Variants in ERC1 observed in about 807,000 individuals in gnomAD.
The protein encoded by ERC1 is ELKS/RAB6-interacting/CAST family member 1.
ERC1 carries 56 observed loss-of-function variants against 132.0 expected under a neutral mutation model. The ratio of observed to expected loss-of-function variants is 0.42; its 90% confidence interval spans 0.34 to 0.53. ERC1 has a LOEUF of 0.53. Ranked by LOEUF, ERC1 falls within the 20% of genes least tolerant of loss-of-function variation. ERC1 has a pLI of 0.03. For synonymous variants in ERC1, 478 were observed against 476.1 expected (o/e 1.00, Z -0.05); for missense variants, 1,202 against 1,349.9 (o/e 0.89, Z 1.72).
intron 18 of ERC1, among the ~76,000 whole-genome samples, chr12:1,486,323 A>G (rs2154433753): frequency 6.6e-6 from 1 of 152,340 alleles, no homozygotes; most frequent in Non-Finnish European, 1.5e-5. Flanking sequence ...AGCAGTGGTT[A>G]TCTCTAGATG....
chr12:1,409,099 G>A (rs1347358599), intron 17 of ERC1, among the ~76,000 whole-genome samples: 1 of 152,222 alleles, frequency 6.6e-6, no homozygotes, highest in Non-Finnish European at 1.5e-5. Flanking sequence ...GCAGAAGCAG[G>A]AGAAATAGTG....
intron 1 of ERC1, among the ~76,000 whole-genome samples, chr12:1,022,421 AAAAC>A (rs534631766): frequency 3.2e-4 from 48 of 152,334 alleles, no homozygotes; most frequent in African/African-American, 1.0e-3. Context: ...TATTTCATTT[AAAAC>A]AAACAAGAAA....
intron 15 of ERC1, among the ~76,000 whole-genome samples, chr12:1,337,517 TA>T (rs2083419664): frequency 6.6e-6 from 1 of 152,316 alleles, no homozygotes; most frequent in East Asian, 1.9e-4. Context: ...TGCCTTTTAA[TA>T]GGGGTATTTA....
intron 2 of ERC1, among the ~76,000 whole-genome samples, chr12:1,042,969 TTTC>T (rs1970499577): frequency 6.6e-6 from 1 of 152,048 alleles, no homozygotes; most frequent in Non-Finnish European, 1.5e-5. Context: ...GGAGGGTCTA[TTTC>T]TTATTTTTCT....
intron 2 of ERC1, among the ~76,000 whole-genome samples, chr12:1,033,469 C>G (rs999765595): frequency 1.3e-5 from 2 of 150,808 alleles, no homozygotes; most frequent in African/African-American, 2.4e-5. Flanking sequence ...CCGCACCCAG[C>G]CTTTTTTTTT....
chr12:1,067,072 T>C (rs915482091), intron 2 of ERC1, among the ~76,000 whole-genome samples: 1 of 152,090 alleles, frequency 6.6e-6, no homozygotes, highest in African/African-American at 2.4e-5. Flanking sequence ...CCTCCCAAAG[T>C]GTTGGAATTA....
At chr12:999,794 C>T (rs565304978) in intron 1 of ERC1, among the ~76,000 whole-genome samples, 1 of 152,122 alleles carries the variant, frequency 6.6e-6, no homozygotes, top group East Asian at 1.9e-4. Context: ...GGGATTTCTC[C>T]ATGTTGGTCA....
At chr12:992,441 A>G (rs1460802360) in intron 1 of ERC1, among the ~76,000 whole-genome samples, 4 of 152,202 alleles carry the variant, frequency 2.6e-5, no homozygotes, top group African/African-American at 4.8e-5. Context: ...ACTTTTAGAC[A>G]TTTTGTGTTC....
At chr12:1,186,962 C>G (rs1320554902) in intron 11 of ERC1, among the ~76,000 whole-genome samples, 1 of 152,176 alleles carries the variant, frequency 6.6e-6, no homozygotes, top group East Asian at 1.9e-4. Context: ...TCCCAAGTAG[C>G]TGGGATTACA....
At chr12:1,303,361 G>C (rs1398132502) in intron 15 of ERC1, among the ~76,000 whole-genome samples, 2 of 152,190 alleles carry the variant, frequency 1.3e-5, no homozygotes, top group Non-Finnish European at 2.9e-5. Context: ...TACCGGCCGG[G>C]CGCCGTGGCT....
In ERC1 at chr12:1,494,789, A is replaced by C. The variant is rs539474827; in HGVS notation, c.*4559A>C. 2 of 230,370 alleles carry C rather than the reference A, an allele frequency of 8.7e-6. No individual in the cohort carries two copies. The highest frequency in any genetic ancestry group is 1.7e-5 in the Non-Finnish European group (2 of 116,278). The allele number at this position is 230,370 out of a possible 1,614,324, so 14.3% of individuals were successfully genotyped here. Reference sequence around the variant, plus strand: ...GTTGTTGAGATTATTAAAAGATTAAAACGTAGTTGTAGAAATGAAAAATTA... The same window carrying C: ...GTTGTTGAGATTATTAAAAGATTAACACGTAGTTGTAGAAATGAAAAATTA... On this transcript the variant is annotated 3_prime_UTR_variant, in exon 19 of 19. Coordinates refer to ENST00000360905, the MANE Select transcript of ERC1 (RefSeq NM_178040.4).
At chr12:1,134,370 A>G (rs1163104970) in intron 7 of ERC1, among the ~76,000 whole-genome samples, 20 of 149,746 alleles carry the variant, frequency 1.3e-4, no homozygotes, top group Non-Finnish European at 7.4e-5. Flanking sequence ...TTAAAGATAC[A>G]GTGTCTTGCT....
intron 3 of ERC1, among the ~76,000 whole-genome samples, chr12:1,096,553 C>T (rs1944065552): frequency 6.6e-6 from 1 of 152,104 alleles, no homozygotes; most frequent in African/African-American, 2.4e-5. Flanking sequence ...TTGTAGTGTG[C>T]AGAACAGATT....
intron 13 of ERC1, among the ~76,000 whole-genome samples, chr12:1,245,922 C>G (rs1233267778): frequency 6.6e-6 from 1 of 151,956 alleles, no homozygotes; most frequent in Non-Finnish European, 1.5e-5. Context: ...TATTAAAGTT[C>G]CCAAAGTGAT....
intron 8 of ERC1, among the ~76,000 whole-genome samples, chr12:1,153,725 G>A (rs1951047178): frequency 6.6e-6 from 1 of 152,206 alleles, no homozygotes; most frequent in Non-Finnish European, 1.5e-5. Context: ...GGTGTTCGAA[G>A]CCCCTCCCTG....
At chr12:1,458,161 A>G (rs1186632419) in intron 18 of ERC1, among the ~76,000 whole-genome samples, 3 of 152,236 alleles carry the variant, frequency 2.0e-5, no homozygotes, top group Non-Finnish European at 4.4e-5. Flanking sequence ...GCTGAGACCA[A>G]GAAGCCAGCC....
chr12:1,129,666 A>G (rs78400162), intron 7 of ERC1, among the ~76,000 whole-genome samples: 1 of 152,252 alleles, frequency 6.6e-6, no homozygotes, highest in East Asian at 1.9e-4. Flanking sequence ...AGTGAAAAAC[A>G]TTGGCAACTC....
chr12:1,412,898 C>G (rs2091922944), intron 17 of ERC1, among the ~76,000 whole-genome samples: 1 of 152,150 alleles, frequency 6.6e-6, no homozygotes, highest in African/African-American at 2.4e-5. Context: ...AATGTTAGTT[C>G]CTGTTGTTAC....
At chr12:1,478,693 G>A (rs2094024004) in intron 18 of ERC1, among the ~76,000 whole-genome samples, 1 of 152,126 alleles carries the variant, frequency 6.6e-6, no homozygotes, top group South Asian at 2.1e-4. Flanking sequence ...CTTGGCTGAG[G>A]CAGGAGGATG....
Sources: gnomAD v4.1 joint callset for allele counts (sites outside exome capture counted in the v4.1 genomes callset) on GRCh38, gnomAD v4.1.1 for gene constraint, MANE v1.5 for transcripts, NCBI Gene and HGNC (gene_info 2026-07-23, HGNC 2026-07-21) for gene names.